The following GET1 variants were observed in gnomAD, a reference collection of about 807,000 sequenced individuals.
The protein encoded by GET1 is congenital heart disease 5 protein.
A neutral mutation model predicts 22.6 loss-of-function variants in GET1; 20 were observed. The ratio of observed to expected loss-of-function variants is 0.89; its 90% CI spans 0.62 to 1.29. The LOEUF is 1.29. Ranked by LOEUF, GET1 falls within the 50% of genes most tolerant of loss-of-function variation. The pLI is 0.00. For missense variants in GET1, 209 were observed against 219.9 expected, an observed-to-expected ratio of 0.95 and a Z score of 0.31; for synonymous variants, 92 against 83.8, an observed-to-expected ratio of 1.10 and a Z score of -0.53.
At chr21:39,380,815 A>T (rs2037509933) in intron 1 of GET1, 1 of 1,019,948 alleles carries the variant, frequency 9.8e-7, no homozygotes, top group Non-Finnish European at 1.2e-6. Flanking sequence ...TCCTAGAGGC[A>T]TTCGAGCAGC....
Position 39,405,835 on chromosome 21 carries a change from T to C in GET1, c.350-79T>C. The C allele has an allele frequency of 2.2e-6, 3 of 1,368,430 alleles. No homozygotes were observed. The South Asian group carries it at 4.3e-5, about 20-fold the overall frequency. 84.8% of individuals were successfully genotyped at this position (1,368,430 alleles called of 1,614,324 possible). A position where few individuals can be genotyped will look rare whatever the true frequency, so the allele number is the denominator to read the frequency against. ...TTTCAAAAATAAGATGCAAGGCACA[T>C]AAGCAGCATTATATCAAACCAGAAT... On this transcript the variant is annotated intron_variant, in intron 4 of 4. Coordinates refer to the GET1 transcript ENST00000415847.
chr21:39,385,149 T>C (rs1380240188), intron 1 of GET1, among the ~76,000 whole-genome samples: 2 of 152,078 alleles, frequency 1.3e-5, no homozygotes, highest in African/African-American at 4.8e-5. Context: ...GAAAGTCGAA[T>C]TGGGAAAACA....
chr21:39,398,485 G>C (rs2038755837), downstream of GET1, among the ~76,000 whole-genome samples: 1 of 152,180 alleles, frequency 6.6e-6, no homozygotes, highest in Non-Finnish European at 1.5e-5. Flanking sequence ...ACTGAGGCTA[G>C]AGGTAAAAAT....
rs767711700 is a variant in GET1, at chr21:39,396,880, A to G, written c.466A>G (p.Thr156Ala). Residue 156 changes from threonine (T) to alanine (A), a missense_variant, in exon 5 of 5, where the codon ACC becomes GCC. Thr to Ala is a moderately conservative substitution (Grantham distance 58). Coordinates refer to ENST00000649170, the MANE Select transcript of GET1 (RefSeq NM_004627.6). ...PTRVAGGVGI[T>A]CWILVCNKVV... ...TTTGTTTTCAGGTGGTGTTGGAATT[A>G]CCTGTTGGATTTTAGTCTGTAACAA... is the stretch of plus-strand genomic sequence containing the variant. 6.2e-7 allele frequency: 1 copy of G among 1,613,870 alleles called. No individual in the cohort carries two copies. Among genetic ancestry groups the G allele is most frequent in the Non-Finnish European group, 8.5e-7 (1 of 1,180,004 alleles).
At chr21:39,404,366 G>A (rs989805583) in intron 4 of GET1, among the ~76,000 whole-genome samples, 1 of 152,156 alleles carries the variant, frequency 6.6e-6, no homozygotes, top group Admixed American at 6.5e-5. Context: ...AAATGATACT[G>A]GATCTCAGGT....
chr21:39,388,266 G>A (rs2038057614), intron 1 of GET1, among the ~76,000 whole-genome samples: 1 of 152,176 alleles, frequency 6.6e-6, no homozygotes, highest in Admixed American at 6.5e-5. Flanking sequence ...TGCTCAGGAG[G>A]CTCAGGTGGG....
At chr21:39,403,526 C>T (rs371750316) in intron 4 of GET1, among the ~76,000 whole-genome samples, 21 of 140,466 alleles carry the variant, frequency 1.5e-4, no homozygotes, top group African/African-American at 2.6e-4. Context: ...CGGGGTTCAC[C>T]GTGTTAGCCA....
At chr21:39,398,267 G>A (rs1000020061), downstream of GET1, among the ~76,000 whole-genome samples, 1 of 152,168 alleles carries the variant, frequency 6.6e-6, no homozygotes, top group Admixed American at 6.5e-5. Context: ...TCCTTCAGAC[G>A]AAATATAGCA....
intron 1 of GET1, chr21:39,413,999 C>T (rs1161440354): frequency 6.6e-6 from 1 of 152,208 alleles, no homozygotes; most frequent in Non-Finnish European, 1.5e-5. Flanking sequence ...TGGAGCAGAG[C>T]TTCAGGTTGG....
chr21:39,424,403 C>T (rs970719753), intron 1 of GET1, among the ~76,000 whole-genome samples: 1 of 152,144 alleles, frequency 6.6e-6, no homozygotes, highest in African/African-American at 2.4e-5. Context: ...ATCCCTTGAG[C>T]CCAGGAGTTT....
chr21:39,385,784 T>G (rs1324620505), intron 1 of GET1, among the ~76,000 whole-genome samples: 1 of 151,876 alleles, frequency 6.6e-6, no homozygotes, highest in Non-Finnish European at 1.5e-5. Flanking sequence ...TCAAAGTCCA[T>G]GCAAGCCGCA....
At chr21:39,421,339 C>T (rs1249830537) in intron 1 of GET1, among the ~76,000 whole-genome samples, 4 of 152,028 alleles carry the variant, frequency 2.6e-5, no homozygotes, top group South Asian at 2.1e-4. Context: ...TGGCCCACCT[C>T]GGCCTCCCAA....
intron 1 of GET1, chr21:39,386,129 T>C (rs2037882623): frequency 6.6e-6 from 1 of 152,270 alleles, no homozygotes; most frequent in Non-Finnish European, 1.5e-5. Context: ...GATTCAACTT[T>C]TTCTAAATTA....
At chr21:39,422,587 CT>C (rs748297568) in intron 1 of GET1, 2 of 277,458 alleles carry the variant, frequency 7.2e-6, no homozygotes, top group Non-Finnish European at 1.3e-5. Context: ...GGGAAGTAGC[CT>C]TTTAATCAAC....
chr21:39,393,234 G>A lies in GET1; in HGVS notation c.405G>A (p.Trp135Ter). The change falls in exon 4 of 5, where the codon TGG becomes TGA. Residue 135 changes from tryptophan (W) to a stop codon, truncating the protein, a stop_gained. Coordinates refer to ENST00000649170, the MANE Select transcript of GET1 (RefSeq NM_004627.6). LOFTEE classifies it high-confidence loss of function. ...CTGTGGCTGTCGTGCCGAGTAAATG[G>A]ATAACCCCTCTAGACCGCCTGGTAG... Reference protein sequence around the residue: ...SVPVAVVPSKWITPLDRLVAF... With the variant: ...SVPVAVVPSK 1 of 1,614,222 alleles carries A rather than the reference G, an allele frequency of 6.2e-7. No homozygotes were observed. Among genetic ancestry groups the A allele is most frequent in the Non-Finnish European group, 8.5e-7 (1 of 1,180,036 alleles).
chr21:39,405,740 CAAA>C, intron 4 of GET1: 1 of 566,666 alleles, frequency 1.8e-6, no homozygotes, highest in East Asian at 3.1e-5. Flanking sequence ...AGCAATCAAA[CAAA>C]AATTTAATTA....
At chr21:39,408,274 C>T (rs937379553), downstream of GET1, among the ~76,000 whole-genome samples, 5 of 152,182 alleles carry the variant, frequency 3.3e-5, no homozygotes, top group Admixed American at 2.6e-4. Flanking sequence ...AATAATGACA[C>T]TTCCAGATGA....
intron 1 of GET1, among the ~76,000 whole-genome samples, chr21:39,418,665 A>C (rs1480015846): frequency 6.6e-6 from 1 of 151,930 alleles, no homozygotes; most frequent in East Asian, 2.0e-4. Flanking sequence ...ATGCCAAGCT[A>C]ATTTTTGTAT....
At chr21:39,382,335 G>A (rs749239071) in intron 1 of GET1, among the ~76,000 whole-genome samples, 74 of 152,058 alleles carry the variant, frequency 4.9e-4, no homozygotes, top group Non-Finnish European at 7.9e-4. Flanking sequence ...GATTACAGGC[G>A]TGTGCCACCA....
Sources: allele counts gnomAD v4.1 joint callset (sites outside exome capture counted in the v4.1 genomes callset), GRCh38; gene constraint gnomAD v4.1.1; transcripts MANE v1.5; gene names NCBI Gene and HGNC (gene_info 2026-07-23, HGNC 2026-07-21).